Variants in ADARB2 observed in about 807,000 individuals in gnomAD.
ADARB2 encodes adenosine deaminase RNA specific B2 (inactive), also known as inactive double-stranded RNA-specific editase B2.
In ADARB2, 25 loss-of-function variants were observed where a neutral mutation model predicts 62.2. The observed-to-expected ratio is 0.40, with a 90% CI of 0.29 to 0.56. The LOEUF is 0.56. ADARB2 is among the 20% of genes least tolerant of loss of function. The pLI, the probability that ADARB2 is intolerant of heterozygous loss-of-function variation, is 0.43. For synonymous variants in ADARB2, 572 were observed against 500.8 expected, an observed-to-expected ratio of 1.14 and a Z score of -1.90; for missense variants, 1,071 against 1,077.4, an observed-to-expected ratio of 0.99 and a Z score of 0.08.
chr10:1,529,768 T>C (rs1171993181), intron 1 of ADARB2, among the ~76,000 whole-genome samples: 1 of 152,228 alleles, frequency 6.6e-6, no homozygotes, highest in Admixed American at 6.5e-5. Context: ...GCAGTGCTGC[T>C]GCATGTAGAG....
intron 1 of ADARB2, among the ~76,000 whole-genome samples, chr10:1,706,978 G>A (rs1564200539): frequency 7.2e-6 from 1 of 138,118 alleles, no homozygotes; most frequent in African/African-American, 2.6e-5. Flanking sequence ...GGGGCCTCCT[G>A]ACATGGCTTC....
chr10:1,208,706 AGTGGTCAT>A (rs1421438687), intron 7 of ADARB2, among the ~76,000 whole-genome samples: 1 of 152,202 alleles, frequency 6.6e-6, no homozygotes, highest in African/African-American at 2.4e-5. Context: ...TGGGCTCTTA[AGTGGTCAT>A]GTAATTATCA....
At chr10:1,626,174 CGG>C (rs1833766011) in intron 1 of ADARB2, among the ~76,000 whole-genome samples, 1 of 147,968 alleles carries the variant, frequency 6.8e-6, no homozygotes, top group Non-Finnish European at 1.5e-5. Flanking sequence ...CACTGGACCT[CGG>C]ACGCTAACCC....
intron 1 of ADARB2, among the ~76,000 whole-genome samples, chr10:1,708,049 C>T (rs942867747): frequency 6.6e-6 from 1 of 152,206 alleles, no homozygotes; most frequent in Non-Finnish European, 1.5e-5. Context: ...CTTGTGCTCA[C>T]ATGAGGGTGG....
rs1361432171 is a variant in ADARB2, at chr10:1,177,478, T to C, written c.*5715A>G. On this transcript the variant is annotated 3_prime_UTR_variant, in exon 10 of 10. Coordinates refer to ENST00000381312, the MANE Select transcript of ADARB2 (RefSeq NM_018702.4). Reference sequence around the variant, plus strand: ...TACAAATGTACATCCATTGATACAATATTGCCATTCTATCATGCTTTTTAT... The same window carrying C: ...TACAAATGTACATCCATTGATACAACATTGCCATTCTATCATGCTTTTTAT... 1 of 152,236 alleles carries C rather than the reference T, an allele frequency of 6.6e-6. No homozygotes were observed. Among genetic ancestry groups the C allele is most frequent in the African/African-American group, 2.4e-5 (1 of 41,466 alleles). 9.4% of individuals were successfully genotyped at this position (152,236 alleles called of 1,614,324 possible).
intron 1 of ADARB2, among the ~76,000 whole-genome samples, chr10:1,495,134 G>T (rs895857156): frequency 3.3e-5 from 5 of 152,072 alleles, no homozygotes; most frequent in Admixed American, 6.5e-5. Flanking sequence ...TTGGAAAATT[G>T]CTTTTTATCA....
At chr10:1,468,883 T>G (rs964573759) in intron 1 of ADARB2, among the ~76,000 whole-genome samples, 4 of 152,204 alleles carry the variant, frequency 2.6e-5, no homozygotes, top group African/African-American at 9.6e-5. Flanking sequence ...TTTGAAAGCT[T>G]GAAGAAGCCT....
intron 1 of ADARB2, among the ~76,000 whole-genome samples, chr10:1,396,244 C>T (rs1228693480): frequency 6.6e-6 from 1 of 152,074 alleles, no homozygotes; most frequent in Non-Finnish European, 1.5e-5. Context: ...TCTCCTCGTG[C>T]GACTCTCTCC....
Position 1,229,845 on chromosome 10 carries a change from CGTGT to C in ADARB2, c.1513+3845_1513+3848del, listed in dbSNP as rs761808070. Among the ~76,000 whole-genome samples, 219 of 120,186 alleles carry C rather than the reference CGTGT, an allele frequency of 1.8e-3. 1 individual carries two copies. Among genetic ancestry groups the C allele is most frequent in the South Asian group, 9.7e-3 (35 of 3,592 alleles). 78.8% of individuals were successfully genotyped at this position (120,186 alleles called of 152,430 possible). On this transcript the variant is annotated intron_variant, in intron 6 of 9. Transcript: ENST00000381312. The stretch of plus-strand genomic sequence containing the variant: ...GTATGTTTTTGTGCACATGTGCTTA[CGTGT>C]GTGTGTGTGTGTGTGTGTGGGTATA...
intron 1 of ADARB2, among the ~76,000 whole-genome samples, chr10:1,565,044 T>A (rs556030289): frequency 6.6e-6 from 1 of 152,324 alleles, no homozygotes; most frequent in South Asian, 2.1e-4. Context: ...CTCCCTCCCG[T>A]GCAGGGCTCT....
chr10:1,464,162 AGT>A (rs1831214900), intron 1 of ADARB2, among the ~76,000 whole-genome samples: 1 of 148,720 alleles, frequency 6.7e-6, no homozygotes, highest in Admixed American at 6.7e-5. Context: ...CGCGGGGGGC[AGT>A]CACAGCGGGC....
chr10:1,666,303 C>T (rs1015484484), intron 1 of ADARB2, among the ~76,000 whole-genome samples: 2 of 152,240 alleles, frequency 1.3e-5, no homozygotes, highest in East Asian at 3.9e-4. Flanking sequence ...GCCCTGCCTG[C>T]CCCGCCAGGG....
At chr10:1,715,897 G>A (rs1835010838) in intron 1 of ADARB2, among the ~76,000 whole-genome samples, 1 of 152,220 alleles carries the variant, frequency 6.6e-6, no homozygotes, top group Non-Finnish European at 1.5e-5. Flanking sequence ...CAGCAGCAGG[G>A]CTGCAGGGAA....
intron 3 of ADARB2, among the ~76,000 whole-genome samples, chr10:1,349,077 A>C (rs1832109605): frequency 1.3e-5 from 2 of 152,194 alleles, no homozygotes; most frequent in Admixed American, 1.3e-4. Flanking sequence ...GTACACATCC[A>C]GATGGCCAGT....
At chr10:1,717,882 G>C (rs1392807674) in intron 1 of ADARB2, among the ~76,000 whole-genome samples, 1 of 152,164 alleles carries the variant, frequency 6.6e-6, no homozygotes, top group Non-Finnish European at 1.5e-5. Flanking sequence ...CCAGACACCA[G>C]TCTTTCAATA....
chr10:1,462,500 G>T lies in ADARB2; in HGVS notation c.101-83340C>A, dbSNP rs977008288. On this transcript the variant is annotated intron_variant, in intron 1 of 9. Transcript: ENST00000381312. Reference sequence around the variant, plus strand: ...GGCTTGAGAGTTGCCCAGTTAGGGCGTGTGCATGAGTGTAGTGTGCCTGTA... The same window carrying T: ...GGCTTGAGAGTTGCCCAGTTAGGGCTTGTGCATGAGTGTAGTGTGCCTGTA... Among the ~76,000 whole-genome samples the T allele has an allele frequency of 3.3e-5, 5 of 152,368 alleles. No homozygotes were observed. In the Middle Eastern group the frequency reaches 0.01, roughly 311 times the overall value.
intron 3 of ADARB2, among the ~76,000 whole-genome samples, chr10:1,274,462 G>GA (rs1554750912): frequency 2.7e-5 from 4 of 149,198 alleles, no homozygotes; most frequent in African/African-American, 9.8e-5. Flanking sequence ...GTAGCTCTTT[G>GA]TTTTTTTTTT....
At chr10:1,240,738 C>G (rs1439786572) in intron 5 of ADARB2, among the ~76,000 whole-genome samples, 1 of 152,226 alleles carries the variant, frequency 6.6e-6, no homozygotes, top group African/African-American at 2.4e-5. Flanking sequence ...TGGCACAGCA[C>G]CAAGCATGTA....
intron 4 of ADARB2, among the ~76,000 whole-genome samples, chr10:1,263,014 A>G (rs1831157673): frequency 6.6e-6 from 1 of 151,840 alleles, no homozygotes. Context: ...CATCATTCTC[A>G]GCAAACTATC....
Sources: gnomAD v4.1 joint callset for allele counts (sites outside exome capture counted in the v4.1 genomes callset) on GRCh38, gnomAD v4.1.1 for gene constraint, MANE v1.5 for transcripts, NCBI Gene and HGNC (gene_info 2026-07-23, HGNC 2026-07-21) for gene names.